The following DHODH variants were observed in gnomAD, a reference collection of about 807,000 sequenced individuals.
The protein encoded by DHODH is dihydroorotate dehydrogenase (quinone), mitochondrial.
A neutral mutation model predicts 39.7 loss-of-function variants in DHODH; 30 were observed. The observed-to-expected ratio is 0.76, with a 90% CI of 0.57 to 1.02. DHODH has a LOEUF of 1.02. Ranked by LOEUF, DHODH falls within the 50% of genes least tolerant of loss-of-function variation. The pLI is 0.00. For synonymous variants in DHODH, 222 were observed against 213.8 expected, an observed-to-expected ratio of 1.04 and a Z score of -0.34; for missense variants, 531 against 520.8, an observed-to-expected ratio of 1.02 and a Z score of -0.19.
At chr16:72,023,067 T>C in intron 6 of DHODH, 98 bp from the exon 7 acceptor site, 1 of 1,230,304 alleles carries the variant, frequency 8.1e-7, no homozygotes, top group South Asian at 1.2e-5. Flanking sequence ...GCTGTAGGTG[T>C]GGGTACCTGG....
chr16:72,010,433 C>A (rs752742701), intron 1 of DHODH, among the ~76,000 whole-genome samples: 2 of 152,148 alleles, frequency 1.3e-5, no homozygotes, highest in African/African-American at 4.8e-5. Flanking sequence ...TGAATACTTC[C>A]ATTACCTTAT....
Position 72,017,042 on chromosome 16 carries a change from C to G in DHODH, c.453C>G (p.His151Gln). The G allele has an allele frequency of 6.2e-7, 1 of 1,613,910 alleles. No homozygotes were observed. The highest frequency in any genetic ancestry group is 1.1e-5 in the South Asian group (1 of 91,074). The change falls in exon 4 of 9, where the codon CAC (histidine) becomes CAG (glutamine). Residue 151 changes from histidine (H) to glutamine (Q), a missense_variant. Physicochemically the swap from His to Gln is conservative, Grantham distance 24 (BLOSUM62 0). Transcript: ENST00000219240. ...TCTGCAGGTATGGATTTAACAGTCACGGGCTTTCAGTGGTGGAACACAGGT... is the reference window on the plus strand; with the variant it reads ...TCTGCAGGTATGGATTTAACAGTCAGGGGCTTTCAGTGGTGGAACACAGGT... ...AVINRYGFNSHGLSVVEHRLR... is the reference protein window; with the variant it reads ...AVINRYGFNSQGLSVVEHRLR...
At chr16:72,010,900 A>T (rs139847764) in intron 1 of DHODH, among the ~76,000 whole-genome samples, 19 of 151,812 alleles carry the variant, frequency 1.3e-4, no homozygotes, top group African/African-American at 4.4e-4. Flanking sequence ...CTAATTTTTT[A>T]TATTTTGTAG....
Position 72,023,179 on chromosome 16 carries a change from G to A in DHODH, c.834G>A (p.Gly278=), listed in dbSNP as rs773533637. 6.2e-7 allele frequency: 1 copy of A among 1,614,190 alleles called. No individual in the cohort carries two copies. Among genetic ancestry groups the A allele is most frequent in the South Asian group, 1.1e-5 (1 of 91,090 alleles). Residue 278 remains glycine, a synonymous_variant, in exon 7 of 9, where the codon GGG becomes GGA. Coordinates refer to ENST00000219240, the MANE Select transcript of DHODH (RefSeq NM_001361.5). Reference sequence around the variant, plus strand: ...TCGCACTGCAGTTGGGCATCGATGGGCTGATTGTTACGAACACCACCGTGA... The same window carrying A: ...TCGCACTGCAGTTGGGCATCGATGGACTGATTGTTACGAACACCACCGTGA... ...ASVVKELGID[G]LIVTNTTVSR...
chr16:72,024,091 G>A, intron 8 of DHODH, 54 bp from the exon 9 acceptor site: 2 of 1,591,824 alleles, frequency 1.3e-6, no homozygotes. Flanking sequence ...TCCTGTAAGA[G>A]CAGGGCCTGT....
intron 3 of DHODH, chr16:72,016,363 G>A (rs532843120): frequency 1.3e-5 from 2 of 157,222 alleles, no homozygotes; most frequent in Admixed American, 6.0e-5. Flanking sequence ...CAGTGGGGCT[G>A]GGGATACAGG....
In DHODH at chr16:72,024,207, G is replaced by T. The variant is rs760110598; in HGVS notation, c.*8G>T. Reference sequence around the variant, plus strand: ...GCAGATCATCGGAGGTGAGGACAGCGTCTGACGGGAAGCCTGATCTGGAAC... The same window carrying T: ...GCAGATCATCGGAGGTGAGGACAGCTTCTGACGGGAAGCCTGATCTGGAAC... On this transcript the variant is annotated 3_prime_UTR_variant, in exon 9 of 9. Transcript: ENST00000219240. 1 of 1,614,124 alleles carries T rather than the reference G, an allele frequency of 6.2e-7. No individual in the cohort carries two copies. Among genetic ancestry groups the T allele is most frequent in the East Asian group, 2.2e-5 (1 of 44,878 alleles).
In DHODH at chr16:72,025,461, G is replaced by A. The variant is rs1027078366; in HGVS notation, c.*1262G>A. On this transcript the variant is annotated 3_prime_UTR_variant, in exon 9 of 9. Coordinates refer to ENST00000219240, the MANE Select transcript of DHODH (RefSeq NM_001361.5). ...TGTGGCATGGTTCATGCTGGGCCTC[G>A]GTCTTTTGAGTGGGGTCTGTTTACC... 2.6e-5 allele frequency: 4 copies of A among 152,158 alleles called. No individual in the cohort carries two copies. Among genetic ancestry groups the A allele is most frequent in the African/African-American group, 9.7e-5 (4 of 41,416 alleles). 9.4% of individuals were successfully genotyped at this position (152,158 alleles called of 1,614,324 possible).
chr16:72,020,351 ATATGTGTATATATATATATATT>A lies in DHODH; in HGVS notation c.518-771_518-750del, dbSNP rs1368314178. ...TGTGTATATATATATATATATATAT[ATATGTGTATATATATATATATT>A]TTTTTTTTTTTTCTTTTTTTTGAGA... is the stretch of plus-strand genomic sequence containing the variant. On this transcript the variant is annotated intron_variant, in intron 4 of 8. Transcript: ENST00000219240. 562 of 117,494 alleles carry A rather than the reference ATATGTGTATATATATATATATT, an allele frequency of 4.8e-3. 7 individuals are homozygous for A. Among genetic ancestry groups the A allele is most frequent in the African/African-American group, 0.021 (538 of 25,932 alleles). 7.3% of individuals were successfully genotyped at this position (117,494 alleles called of 1,614,324 possible). A position where few individuals can be genotyped will look rare whatever the true frequency, so the allele number is the denominator to read the frequency against.
intron 3 of DHODH, among the ~76,000 whole-genome samples, chr16:72,015,259 C>G (rs2041129552): frequency 6.6e-6 from 1 of 152,250 alleles, no homozygotes. Flanking sequence ...CATTTTACTT[C>G]CAGCACCTCT....
At chr16:72,012,654 G>A (rs1485186905) in intron 2 of DHODH, among the ~76,000 whole-genome samples, 1 of 152,224 alleles carries the variant, frequency 6.6e-6, no homozygotes, top group African/African-American at 2.4e-5. Context: ...CCACTGTCCT[G>A]CCTTGCTGAG....
chr16:72,009,439 C>T (rs200370565), intron 1 of DHODH, among the ~76,000 whole-genome samples: 2 of 128,330 alleles, frequency 1.6e-5, no homozygotes, highest in Admixed American at 1.8e-4. Flanking sequence ...GGAAGCGGAG[C>T]TTGCAGTGAG....
intron 4 of DHODH, chr16:72,020,344 TATATATATATGTGTATATATATA>T (rs1567572790): frequency 3.4e-5 from 4 of 119,290 alleles, no homozygotes; most frequent in African/African-American, 1.2e-4. Flanking sequence ...TATATATATA[TATATATATATGTGTATATATATA>T]TATATTTTTT....
At chr16:72,011,264 A>G (rs1470151421) in intron 1 of DHODH, among the ~76,000 whole-genome samples, 4 of 152,200 alleles carry the variant, frequency 2.6e-5, no homozygotes, top group African/African-American at 7.2e-5. Flanking sequence ...ATTTTCTGAA[A>G]TGGTGAACAA....
chr16:72,015,420 T>C (rs1240400684), intron 3 of DHODH, among the ~76,000 whole-genome samples: 1 of 152,250 alleles, frequency 6.6e-6, no homozygotes, highest in African/African-American at 2.4e-5. Flanking sequence ...TTCTAGACTG[T>C]ATAAAGCCCT....
In DHODH at chr16:72,023,624, C is replaced by T. The variant is rs746763987; in HGVS notation, c.1124C>T (p.Ala375Val). The change falls in exon 8 of 9, where the codon GCC becomes GTC. Residue 375 changes from alanine (A) to valine (V), a missense_variant. Physicochemically the swap from Ala to Val is moderately conservative, Grantham distance 64 (BLOSUM62 0). Coordinates refer to ENST00000219240, the MANE Select transcript of DHODH (RefSeq NM_001361.5). ...VVGKVKRELE[A>V]LLKEQGFGGV... The stretch of plus-strand genomic sequence containing the variant: ...GGCAAAGTCAAGCGGGAACTGGAGG[C>T]CCTTCTGAAGTGAGTGAGGTCATGT... 17 of 1,613,788 alleles carry T rather than the reference C, an allele frequency of 1.1e-5. No homozygotes were observed. In the Admixed American group the frequency reaches 2.2e-4, roughly 21 times the overall value.
At position 72,020,049 on chromosome 16, in the gene DHODH, G is replaced by A. The variant is rs549207294; in HGVS notation, c.518-1075G>A. ...TCCCAGCACTTTGGGAGGCTGAGGTGGGCAGATCATGAGGTCTGGAGATGG... is the reference window on the plus strand; with the variant it reads ...TCCCAGCACTTTGGGAGGCTGAGGTAGGCAGATCATGAGGTCTGGAGATGG... On this transcript the variant is annotated intron_variant, in intron 4 of 8. Coordinates refer to ENST00000219240, the MANE Select transcript of DHODH (RefSeq NM_001361.5). Among the ~76,000 whole-genome samples, 783 of 152,040 alleles carry A rather than the reference G, an allele frequency of 5.1e-3. 6 individuals are homozygous for A. The highest frequency in any genetic ancestry group is 5.4e-3 in the Non-Finnish European group (368 of 67,988).
chr16:72,024,324 C>A lies in DHODH; in HGVS notation c.*125C>A. On this transcript the variant is annotated 3_prime_UTR_variant, in exon 9 of 9. Transcript: ENST00000219240. ...GTCCCCCAGCCATGGCATGGCTGCA[C>A]TGTAAACGCCAATCGGGGGGTCACC... 1 of 1,014,494 alleles carries A rather than the reference C, an allele frequency of 9.9e-7. No homozygotes were observed. The highest frequency in any genetic ancestry group is 1.5e-6 in the Non-Finnish European group (1 of 651,390). 62.8% of individuals were successfully genotyped at this position (1,014,494 alleles called of 1,614,324 possible).
intron 4 of DHODH, among the ~76,000 whole-genome samples, chr16:72,018,053 C>T (rs570347374): frequency 2.0e-5 from 3 of 152,268 alleles, no homozygotes; most frequent in East Asian, 3.9e-4. Flanking sequence ...GGATTACAGG[C>T]GTGAGCCACC....
Sources: allele counts gnomAD v4.1 joint callset (sites outside exome capture counted in the v4.1 genomes callset), GRCh38; gene constraint gnomAD v4.1.1; transcripts MANE v1.5; gene names NCBI Gene and HGNC (gene_info 2026-07-23, HGNC 2026-07-21).